Variants in IGFBP7 observed in about 807,000 individuals in gnomAD.
The protein encoded by IGFBP7 is insulin like growth factor binding protein 7.
A neutral mutation model predicts 29.4 loss-of-function variants in IGFBP7; 31 were observed. The ratio of observed to expected loss-of-function variants is 1.05; its 90% CI spans 0.79 to 1.42. The LOEUF is 1.42. Ranked by LOEUF, IGFBP7 falls within the 40% of genes most tolerant of loss-of-function variation. The pLI, the probability that IGFBP7 is intolerant of heterozygous loss-of-function variation, is 0.00. For synonymous variants in IGFBP7, 172 were observed against 174.9 expected, an observed-to-expected ratio of 0.98 and a Z score of 0.13; for missense variants, 393 against 395.5, an observed-to-expected ratio of 0.99 and a Z score of 0.05.
intron 1 of IGFBP7, among the ~76,000 whole-genome samples, chr4:57,100,148 G>T (rs1464113393): frequency 7.2e-6 from 1 of 138,408 alleles, no homozygotes; most frequent in Non-Finnish European, 1.5e-5. Flanking sequence ...ATAGCCTCCT[G>T]CAGCCTTGAT....
chr4:57,092,111 C>A (rs756531715), intron 1 of IGFBP7, among the ~76,000 whole-genome samples: 93 of 152,094 alleles, frequency 6.1e-4, no homozygotes, highest in Non-Finnish European at 5.7e-4. Flanking sequence ...AAAGACAAAA[C>A]CTCCAAATTT....
At chr4:57,064,715 G>A (rs957709924) in intron 1 of IGFBP7, among the ~76,000 whole-genome samples, 5 of 152,152 alleles carry the variant, frequency 3.3e-5, no homozygotes, top group African/African-American at 1.2e-4. Flanking sequence ...ACTTAGAAGG[G>A]CCCTGAGATC....
intron 1 of IGFBP7, among the ~76,000 whole-genome samples, chr4:57,046,738 C>T (rs1261912051): frequency 6.6e-6 from 1 of 151,372 alleles, no homozygotes; most frequent in Non-Finnish European, 1.5e-5. Context: ...TGCGCTGCCT[C>T]CCTCTGCCTT....
intron 1 of IGFBP7, among the ~76,000 whole-genome samples, chr4:57,043,591 T>A (rs1022868192): frequency 3.9e-5 from 6 of 152,248 alleles, no homozygotes; most frequent in Non-Finnish European, 7.3e-5. Flanking sequence ...TGATTTTTTT[T>A]AATCTCATGG....
intron 1 of IGFBP7, among the ~76,000 whole-genome samples, chr4:57,060,295 A>G (rs1410910488): frequency 1.3e-5 from 2 of 152,220 alleles, no homozygotes; most frequent in Admixed American, 1.3e-4. Flanking sequence ...GCAACCAGTT[A>G]CAGGAAGAAG....
At position 57,031,078 on chromosome 4, in the gene IGFBP7, T is replaced by C. The variant is rs932559657; in HGVS notation, c.*239A>G. 2 of 838,176 alleles carry C rather than the reference T, an allele frequency of 2.4e-6. No homozygotes were observed. Among genetic ancestry groups the C allele is most frequent in the Non-Finnish European group, 4.0e-6 (2 of 497,478 alleles). 51.9% of individuals were successfully genotyped at this position (838,176 alleles called of 1,614,324 possible). On this transcript the variant is annotated 3_prime_UTR_variant, in exon 5 of 5. Transcript: ENST00000295666. ...TTAAAAATGACAAATATGTACTGTGTTGTGATAAAAAGTATTTTATTTGTT... is the reference window on the plus strand; with the variant it reads ...TTAAAAATGACAAATATGTACTGTGCTGTGATAAAAAGTATTTTATTTGTT...
intron 1 of IGFBP7, among the ~76,000 whole-genome samples, chr4:57,087,188 A>C (rs540473855): frequency 6.6e-6 from 1 of 152,348 alleles, no homozygotes; most frequent in Non-Finnish European, 1.5e-5. Context: ...ACACTCACAC[A>C]TTTAAGTGAT....
chr4:57,075,100 T>C lies in IGFBP7; in HGVS notation c.476-34167A>G, dbSNP rs116621465. ...GTGTCTTTGAAGGAATTTGATAGTTTGCAAATTCAAAGTTGGAAATTAAAA... is the reference window on the plus strand; with the variant it reads ...GTGTCTTTGAAGGAATTTGATAGTTCGCAAATTCAAAGTTGGAAATTAAAA... On this transcript the variant is annotated intron_variant, in intron 1 of 4. Coordinates refer to ENST00000295666, the MANE Select transcript of IGFBP7 (RefSeq NM_001553.3). Among the ~76,000 whole-genome samples the C allele has an allele frequency of 6.9e-3, 1,057 of 152,340 alleles. 13 individuals are homozygous for C. Among genetic ancestry groups the C allele is most frequent in the African/African-American group, 0.024 (1,000 of 41,582 alleles).
chr4:57,031,180 G>A lies in IGFBP7; in HGVS notation c.*137C>T. On this transcript the variant is annotated 3_prime_UTR_variant, in exon 5 of 5. Coordinates refer to ENST00000295666, the MANE Select transcript of IGFBP7 (RefSeq NM_001553.3). ...AGTCTTGATGTGTGATCTTTATTTT[G>A]TATTTCTCTGTGTAAAACCAGTGAA... The A allele has an allele frequency of 1.2e-6, 1 of 809,784 alleles. No homozygotes were observed. The highest frequency in any genetic ancestry group is 2.5e-5 in the East Asian group (1 of 40,552). 50.2% of individuals were successfully genotyped at this position (809,784 alleles called of 1,614,324 possible). A position where few individuals can be genotyped will look rare whatever the true frequency, so the allele number is the denominator to read the frequency against.
chr4:57,069,807 G>A (rs1013758222), intron 1 of IGFBP7, among the ~76,000 whole-genome samples: 1 of 152,202 alleles, frequency 6.6e-6, no homozygotes, highest in African/African-American at 2.4e-5. Context: ...ATGGGGTCAG[G>A]TGCGGTGGCT....
At chr4:57,072,226 C>T (rs1156665709) in intron 1 of IGFBP7, among the ~76,000 whole-genome samples, 1 of 152,114 alleles carries the variant, frequency 6.6e-6, no homozygotes, top group Non-Finnish European at 1.5e-5. Context: ...TTAGCTCCCA[C>T]TTATAAGTGA....
chr4:57,084,017 T>A (rs2109788583), intron 1 of IGFBP7, among the ~76,000 whole-genome samples: 1 of 152,352 alleles, frequency 6.6e-6, no homozygotes, highest in South Asian at 2.1e-4. Flanking sequence ...ATGCAAATTA[T>A]TTTTAGAATT....
chr4:57,088,083 C>T (rs920574330), intron 1 of IGFBP7, among the ~76,000 whole-genome samples: 3 of 152,200 alleles, frequency 2.0e-5, no homozygotes, highest in Non-Finnish European at 2.9e-5. Flanking sequence ...ATCCTCCTAC[C>T]TCAGCCTCCT....
In IGFBP7 at chr4:57,110,307, C is replaced by T. The variant is rs1382485127; in HGVS notation, c.45G>A (p.Gly15=). ...SLRALLLGAA[G]LLLLLLPLSS... is the part of the protein sequence containing the mutation. The stretch of plus-strand genomic sequence containing the variant: ...AGAGGGGCAGGAGCAGGAGCAGCAG[C>T]CCAGCGGCGCCGAGGAGCAGGGCGC... The change falls in exon 1 of 5, where the codon GGG becomes GGA. Residue 15 remains glycine (G), a synonymous_variant. Coordinates refer to ENST00000295666, the MANE Select transcript of IGFBP7 (RefSeq NM_001553.3). 2.8e-6 allele frequency: 4 copies of T among 1,416,154 alleles called. No homozygotes were observed. The African/African-American group carries it at 4.5e-5, about 16-fold the overall frequency. The allele number at this position is 1,416,154 out of a possible 1,614,324, so 87.7% of individuals were successfully genotyped here.
chr4:57,063,647 G>A (rs975065018), intron 1 of IGFBP7, among the ~76,000 whole-genome samples: 3 of 152,132 alleles, frequency 2.0e-5, no homozygotes, highest in Admixed American at 1.3e-4. Context: ...GTTTGTAGAA[G>A]GGCATGGTTT....
intron 2 of IGFBP7, among the ~76,000 whole-genome samples, chr4:57,039,643 CTTTT>C (rs10716496): frequency 3.9e-5 from 5 of 128,660 alleles, no homozygotes; most frequent in African/African-American, 6.0e-5. Flanking sequence ...AATTCACACT[CTTTT>C]TTTTTTTTTT....
intron 1 of IGFBP7, among the ~76,000 whole-genome samples, chr4:57,047,922 TG>T (rs1178532936): frequency 6.6e-6 from 1 of 152,124 alleles, no homozygotes; most frequent in East Asian, 1.9e-4. Context: ...TTTTTAGATA[TG>T]GGGTCTTGCC....
intron 1 of IGFBP7, among the ~76,000 whole-genome samples, chr4:57,096,148 A>C (rs1216276262): frequency 6.6e-6 from 1 of 151,462 alleles, no homozygotes; most frequent in Non-Finnish European, 1.5e-5. Context: ...CAAAACTGAC[A>C]TATTTCCGTT....
At chr4:57,103,660 CTT>C (rs59173874) in intron 1 of IGFBP7, among the ~76,000 whole-genome samples, 5 of 86,500 alleles carry the variant, frequency 5.8e-5, no homozygotes, top group Middle Eastern at 0.016. Context: ...TTTTTCTTTT[CTT>C]TTTTTTTTTT....
Sources: allele counts gnomAD v4.1 joint callset (sites outside exome capture counted in the v4.1 genomes callset), GRCh38; gene constraint gnomAD v4.1.1; transcripts MANE v1.5; gene names NCBI Gene and HGNC (gene_info 2026-07-23, HGNC 2026-07-21).